Variants in DTWD2 observed in about 807,000 individuals in gnomAD.
DTWD2 encodes DTW motif tRNA-uridine aminocarboxypropyltransferase 2.
In DTWD2, 39 loss-of-function variants were observed where a neutral mutation model predicts 31.8. The ratio of observed to expected loss-of-function variants is 1.22; its 90% CI spans 0.95 to 1.60. The LOEUF (loss-of-function observed/expected upper bound fraction) is 1.60. Among genes scored for constraint, DTWD2 ranks in the 40% most tolerant of loss-of-function variants. The probability of loss-of-function intolerance (pLI) is 0.00; values close to 1 mark genes in which losing one functional copy is unlikely to be tolerated. For missense variants in DTWD2, 515 were observed against 381.5 expected (o/e 1.35, Z -2.92); for synonymous variants, 180 against 142.8 (o/e 1.26, Z -1.86).
intron 1 of DTWD2, among the ~76,000 whole-genome samples, chr5:118,947,773 A>G (rs556908655): frequency 3.9e-5 from 6 of 152,252 alleles, no homozygotes; most frequent in Admixed American, 6.5e-5. Context: ...TATCACTGGG[A>G]TTACAGGCAT....
chr5:118,858,074 TG>T (rs1422134251), intron 4 of DTWD2, among the ~76,000 whole-genome samples: 1 of 152,106 alleles, frequency 6.6e-6, no homozygotes, highest in Non-Finnish European at 1.5e-5. Flanking sequence ...GACCCCCATG[TG>T]GGAGCAATAA....
At chr5:118,982,676 A>G (rs1755328211) in intron 1 of DTWD2, among the ~76,000 whole-genome samples, 1 of 149,124 alleles carries the variant, frequency 6.7e-6, no homozygotes, top group African/African-American at 2.5e-5. Flanking sequence ...TTACCAAAAT[A>G]GTTTGTTTTC....
chr5:118,970,482 G>C (rs1754959539), intron 1 of DTWD2, among the ~76,000 whole-genome samples: 1 of 152,106 alleles, frequency 6.6e-6, no homozygotes, highest in Non-Finnish European at 1.5e-5. Flanking sequence ...GAGAAATACA[G>C]TATTACGGAA....
chr5:118,982,740 G>C (rs915990202), intron 1 of DTWD2, among the ~76,000 whole-genome samples: 3 of 145,354 alleles, frequency 2.1e-5, no homozygotes, highest in Admixed American at 1.4e-4. Flanking sequence ...CGAGGCTGGA[G>C]TGCAGTGGAG....
chr5:118,965,460 GAT>G (rs1491364599), intron 1 of DTWD2, among the ~76,000 whole-genome samples: 5 of 76 alleles, frequency 0.066, no homozygotes, highest in Non-Finnish European at 0.12. Context: ...CCATGATGAT[GAT>G]GCGGTTTTGT....
chr5:118,876,948 T>A (rs985810375), intron 4 of DTWD2, among the ~76,000 whole-genome samples: 1 of 152,210 alleles, frequency 6.6e-6, no homozygotes, highest in African/African-American at 2.4e-5. Flanking sequence ...AGGCAACTAT[T>A]CTTGATGAAC....
chr5:118,881,717 G>C (rs563146311), intron 4 of DTWD2, among the ~76,000 whole-genome samples: 12 of 152,136 alleles, frequency 7.9e-5, no homozygotes, highest in Non-Finnish European at 1.2e-4. Context: ...GCAGGAGAGA[G>C]AGAGAGCACA....
intron 4 of DTWD2, among the ~76,000 whole-genome samples, 196 bp downstream of exon 4, chr5:118,928,341 T>A (rs1269829742): frequency 4.6e-5 from 7 of 151,970 alleles, no homozygotes; most frequent in African/African-American, 1.7e-4. Flanking sequence ...ATTTGAAATT[T>A]TATATATATA....
intron 2 of DTWD2, among the ~76,000 whole-genome samples, chr5:118,943,087 A>G (rs539388466): frequency 2.6e-5 from 4 of 152,284 alleles, no homozygotes; most frequent in Non-Finnish European, 4.4e-5. Context: ...TATAAGCATA[A>G]GCCACCGCTC....
Position 118,864,106 on chromosome 5 carries a change from A to G in DTWD2, c.598-15888T>C, listed in dbSNP as rs535471710. ...GTATGTTTATTGCGGCACTATTCAC[A>G]ATAGCAAAGACTTGGAACCAACCCA... On this transcript the variant is annotated intron_variant, in intron 4 of 5. Transcript: ENST00000510708. Among the ~76,000 whole-genome samples, 177 of 130,114 alleles carry G rather than the reference A, an allele frequency of 1.4e-3. 42 individuals carry two copies. Among genetic ancestry groups the G allele is most frequent in the African/African-American group, 5.6e-3 (147 of 26,252 alleles). 85.4% of individuals were successfully genotyped at this position (130,114 alleles called of 152,430 possible).
chr5:118,945,955 T>C (rs1340402786), intron 1 of DTWD2, among the ~76,000 whole-genome samples: 1 of 152,216 alleles, frequency 6.6e-6, no homozygotes, highest in Non-Finnish European at 1.5e-5. Context: ...AGCTGATCAC[T>C]GTTAACTCTT....
chr5:118,970,367 C>A (rs576380852), intron 1 of DTWD2, among the ~76,000 whole-genome samples: 1 of 152,218 alleles, frequency 6.6e-6, no homozygotes, highest in East Asian at 1.9e-4. Context: ...GTGGAGATTG[C>A]AGTGAACCAA....
At chr5:118,934,513 G>A (rs1230468721) in intron 3 of DTWD2, among the ~76,000 whole-genome samples, 1 of 151,610 alleles carries the variant, frequency 6.6e-6, no homozygotes, top group East Asian at 1.9e-4. Flanking sequence ...ATTAATTCAA[G>A]GTAAACAGTG....
At chr5:118,933,911 T>TAAATAAATA (rs1432599777) in intron 3 of DTWD2, among the ~76,000 whole-genome samples, 1 of 146,566 alleles carries the variant, frequency 6.8e-6, no homozygotes, top group East Asian at 1.9e-4. Flanking sequence ...AATAAATAAA[T>TAAATAAATA]AAATAAATAA....
At chr5:118,903,616 C>T (rs1753264178) in intron 4 of DTWD2, among the ~76,000 whole-genome samples, 1 of 151,970 alleles carries the variant, frequency 6.6e-6, no homozygotes, top group African/African-American at 2.4e-5. Context: ...CTCTAAATCT[C>T]TAGCTAACAT....
chr5:118,858,479 G>A (rs1223758937), intron 4 of DTWD2, among the ~76,000 whole-genome samples: 1 of 152,158 alleles, frequency 6.6e-6, no homozygotes, highest in Admixed American at 6.5e-5. Context: ...AGAATAGCAT[G>A]TGAGTTAGAG....
chr5:118,901,357 C>G (rs752314452), intron 4 of DTWD2, among the ~76,000 whole-genome samples: 1 of 152,104 alleles, frequency 6.6e-6, no homozygotes, highest in Non-Finnish European at 1.5e-5. Context: ...AACAATGAAG[C>G]AGCACTGAAA....
intron 2 of DTWD2, among the ~76,000 whole-genome samples, chr5:118,941,088 C>G (rs1328370027): frequency 6.6e-6 from 1 of 152,012 alleles, no homozygotes; most frequent in East Asian, 1.9e-4. Context: ...TCTTCTTTTC[C>G]CAAAGCCCCC....
intron 4 of DTWD2, among the ~76,000 whole-genome samples, chr5:118,894,032 C>T (rs28530659): frequency 1.8e-4 from 26 of 147,930 alleles, no homozygotes; most frequent in African/African-American, 6.0e-4. Context: ...CAGAGGGAGA[C>T]TCTGTCTCAA....
Sources: allele counts gnomAD v4.1 joint callset (sites outside exome capture counted in the v4.1 genomes callset), GRCh38; gene constraint gnomAD v4.1.1; transcripts MANE v1.5; gene names NCBI Gene and HGNC (gene_info 2026-07-23, HGNC 2026-07-21).